DPP10: variants seen among roughly 807,000 people sequenced by gnomAD.
DPP10 encodes the protein inactive dipeptidyl peptidase 10.
In DPP10, 33 loss-of-function variants were observed where a neutral mutation model predicts 120.9. The ratio of observed to expected loss-of-function variants is 0.27; its 90% CI spans 0.21 to 0.37. The LOEUF is 0.37. Among genes scored for constraint, DPP10 ranks in the 10% least tolerant of loss-of-function variants. DPP10 has a pLI of 1.00. For missense variants in DPP10, 816 were observed against 942.8 expected (o/e 0.87, Z 1.76); for synonymous variants, 337 against 326.1 (o/e 1.03, Z -0.36).
intron 1 of DPP10, among the ~76,000 whole-genome samples, chr2:115,224,783 A>G (rs974322130): frequency 1.3e-5 from 2 of 152,232 alleles, no homozygotes; most frequent in African/African-American, 2.4e-5. Context: ...TACCATAAAT[A>G]TATCCAATTC....
chr2:114,843,093 C>T (rs749279134), intron 1 of DPP10, among the ~76,000 whole-genome samples: 8 of 152,162 alleles, frequency 5.3e-5, no homozygotes, highest in Non-Finnish European at 7.3e-5. Flanking sequence ...GTGTTTGAGA[C>T]TCTTGCTATG....
chr2:114,831,871 T>TAA (rs1553437258), intron 1 of DPP10, among the ~76,000 whole-genome samples: 7 of 147,548 alleles, frequency 4.7e-5, no homozygotes, highest in Non-Finnish European at 4.5e-5. Context: ...TATATATATA[T>TAA]AATATATATG....
intron 1 of DPP10, among the ~76,000 whole-genome samples, chr2:114,772,668 T>C (rs1681375374): frequency 6.6e-6 from 1 of 152,064 alleles, no homozygotes; most frequent in Non-Finnish European, 1.5e-5. Flanking sequence ...ATACCTTTTT[T>C]TTTTTTCAGC....
intron 1 of DPP10, among the ~76,000 whole-genome samples, chr2:114,741,040 T>C (rs924802381): frequency 1.3e-5 from 2 of 152,240 alleles, no homozygotes; most frequent in African/African-American, 4.8e-5. Context: ...ATTTGTGGCA[T>C]TTATGTTATT....
At chr2:115,557,585 T>TATAA (rs1456259821) in intron 5 of DPP10, among the ~76,000 whole-genome samples, 1 of 152,216 alleles carries the variant, frequency 6.6e-6, no homozygotes, top group African/African-American at 2.4e-5. Context: ...TTTCTCAAGG[T>TATAA]ATAATTTTAT....
intron 1 of DPP10, among the ~76,000 whole-genome samples, chr2:114,620,504 A>G (rs928580495): frequency 6.6e-6 from 1 of 152,070 alleles, no homozygotes; most frequent in Non-Finnish European, 1.5e-5. Context: ...GAAGTCTTAT[A>G]TTTAATTAAA....
At chr2:115,378,284 G>A (rs1043781966) in intron 3 of DPP10, among the ~76,000 whole-genome samples, 1 of 149,806 alleles carries the variant, frequency 6.7e-6, no homozygotes, top group Non-Finnish European at 1.5e-5. Flanking sequence ...TTGTAAGTTG[G>A]ATTCCTAGGT....
At chr2:114,834,404 CCATATCTACACACCTATGTAT>C (rs1687449932) in intron 1 of DPP10, among the ~76,000 whole-genome samples, 1 of 148,808 alleles carries the variant, frequency 6.7e-6, no homozygotes. Context: ...TATATATAAG[CCATATCTACACACCTATGTAT>C]ATATAAGCCA....
intron 1 of DPP10, among the ~76,000 whole-genome samples, chr2:114,892,665 A>G (rs141601812): frequency 5.5e-4 from 84 of 152,290 alleles, no homozygotes; most frequent in Non-Finnish European, 1.0e-3. Flanking sequence ...TTCTTCTCCT[A>G]CGGAACCTCA....
intron 5 of DPP10, among the ~76,000 whole-genome samples, chr2:115,562,264 C>G (rs1270965844): frequency 6.6e-6 from 1 of 152,148 alleles, no homozygotes; most frequent in East Asian, 1.9e-4. Flanking sequence ...CTGGCTCGCT[C>G]TTTCTCTTCA....
At chr2:115,826,559 A>G (rs528791159) in intron 21 of DPP10, among the ~76,000 whole-genome samples, 1 of 152,138 alleles carries the variant, frequency 6.6e-6, no homozygotes, top group South Asian at 2.1e-4. Flanking sequence ...CGTCTCTACT[A>G]AAAATACAAA....
chr2:115,122,012 G>A (rs767148744), intron 1 of DPP10, among the ~76,000 whole-genome samples: 41 of 152,162 alleles, frequency 2.7e-4, no homozygotes, highest in African/African-American at 5.8e-4. Flanking sequence ...GTGTGCAGAC[G>A]CAATTAACTA....
intron 7 of DPP10, among the ~76,000 whole-genome samples, chr2:115,709,558 C>T: frequency 6.6e-6 from 1 of 151,412 alleles, no homozygotes; most frequent in East Asian, 1.9e-4. Flanking sequence ...CTTTCATAGA[C>T]AGATACACGA....
In DPP10 at chr2:114,504,136, G is replaced by A. The variant is rs1437317926; in HGVS notation, c.60+61298G>A. Among the ~76,000 whole-genome samples the A allele has an allele frequency of 5.3e-5, 8 of 152,164 alleles. No homozygotes were observed. The South Asian group carries it at 8.3e-4, about 16-fold the overall frequency. ...ACTGGTGTGGGGTGATTTTTGATGGGTAAATTTTCAACATTCTTATTTCAG... is the reference window on the plus strand; with the variant it reads ...ACTGGTGTGGGGTGATTTTTGATGGATAAATTTTCAACATTCTTATTTCAG... On this transcript the variant is annotated intron_variant, in intron 1 of 25. Coordinates refer to ENST00000410059, the MANE Select transcript of DPP10 (RefSeq NM_020868.6).
chr2:115,696,261 TC>T (rs2091583343), intron 7 of DPP10, among the ~76,000 whole-genome samples: 1 of 151,884 alleles, frequency 6.6e-6, no homozygotes, highest in South Asian at 2.1e-4. Flanking sequence ...GCTCAAAAAA[TC>T]CAAATAGGAT....
rs1056144092 is a variant in DPP10 at position 115,707,994 on chromosome 2, A to G, written c.576+18073A>G. On this transcript the variant is annotated intron_variant, in intron 7 of 25. Transcript: ENST00000410059. ...AAAGAAAAAGGTGGCAAATTGTTATATATATGGATATAGATATAGATGCAG... is the reference window on the plus strand; with the variant it reads ...AAAGAAAAAGGTGGCAAATTGTTATGTATATGGATATAGATATAGATGCAG... 2.0e-4 allele frequency among the ~76,000 whole-genome samples: 30 copies of G among 152,114 alleles called. 1 individual carries two copies. The highest frequency in any genetic ancestry group is 6.8e-3 in the Middle Eastern group (2 of 294).
At chr2:115,828,890 G>T (rs1688648130) in intron 21 of DPP10, among the ~76,000 whole-genome samples, 1 of 151,806 alleles carries the variant, frequency 6.6e-6, no homozygotes, top group African/African-American at 2.4e-5. Flanking sequence ...TATATGCTTA[G>T]TTTATTTTGA....
At chr2:115,297,473 C>G (rs919343480) in intron 1 of DPP10, among the ~76,000 whole-genome samples, 7 of 151,918 alleles carry the variant, frequency 4.6e-5, no homozygotes, top group Non-Finnish European at 7.4e-5. Context: ...CAATATTTGA[C>G]ATTCTAAAAG....
intron 1 of DPP10, among the ~76,000 whole-genome samples, chr2:114,540,013 A>T (rs541495504): frequency 2.2e-4 from 33 of 150,330 alleles, no homozygotes; most frequent in African/African-American, 7.5e-4. Flanking sequence ...CATACAACAT[A>T]TTATTATTTT....
Sources: gnomAD v4.1 joint callset for allele counts (sites outside exome capture counted in the v4.1 genomes callset) on GRCh38, gnomAD v4.1.1 for gene constraint, MANE v1.5 for transcripts, NCBI Gene and HGNC (gene_info 2026-07-23, HGNC 2026-07-21) for gene names.